The following MYO1D variants were observed in gnomAD, a reference collection of about 807,000 sequenced individuals.
MYO1D encodes myosin ID, also known as unconventional myosin-Id.
MYO1D carries 83 observed loss-of-function variants against 122.0 expected under a neutral mutation model. The observed-to-expected ratio is 0.68, with a 90% confidence interval of 0.57 to 0.82. The LOEUF (loss-of-function observed/expected upper bound fraction) is 0.82. Ranked by LOEUF, MYO1D falls within the 40% of genes least tolerant of loss-of-function variation. MYO1D has a pLI of 0.00. For missense variants in MYO1D, 1,157 were observed against 1,269.5 expected, an observed-to-expected ratio of 0.91 and a Z score of 1.35; for synonymous variants, 464 against 446.9, an observed-to-expected ratio of 1.04 and a Z score of -0.48.
chr17:32,851,392 C>T (rs2090987533), intron 1 of MYO1D, among the ~76,000 whole-genome samples: 1 of 152,190 alleles, frequency 6.6e-6, no homozygotes, highest in Non-Finnish European at 1.5e-5. Flanking sequence ...ATGATCAACT[C>T]CAATTCCCAC....
intron 21 of MYO1D, among the ~76,000 whole-genome samples, chr17:32,596,069 A>C (rs2087489276): frequency 6.6e-6 from 1 of 152,164 alleles, no homozygotes; most frequent in Non-Finnish European, 1.5e-5. Flanking sequence ...AGGAAAGTGA[A>C]TTGTGGCCAC....
At chr17:32,870,702 A>G (rs947573040) in intron 1 of MYO1D, among the ~76,000 whole-genome samples, 1 of 152,248 alleles carries the variant, frequency 6.6e-6, no homozygotes, top group Non-Finnish European at 1.5e-5. Flanking sequence ...TGTATTAAAC[A>G]TGGGGAAGGG....
chr17:32,613,224 C>A (rs1312683435), intron 20 of MYO1D, among the ~76,000 whole-genome samples: 1 of 151,892 alleles, frequency 6.6e-6, no homozygotes, highest in African/African-American at 2.4e-5. Context: ...ATGTTATAGG[C>A]CCAGGTAATT....
intron 17 of MYO1D, among the ~76,000 whole-genome samples, chr17:32,658,003 C>G (rs2088501187): frequency 6.6e-6 from 1 of 152,104 alleles, no homozygotes; most frequent in Non-Finnish European, 1.5e-5. Context: ...AAAAAATGCT[C>G]AAATCATATG....
chr17:32,862,522 A>G (rs2091086343), intron 1 of MYO1D, among the ~76,000 whole-genome samples: 1 of 152,238 alleles, frequency 6.6e-6, no homozygotes, highest in Non-Finnish European at 1.5e-5. Flanking sequence ...TACATTTTTT[A>G]TATGTCTAGA....
intron 15 of MYO1D, among the ~76,000 whole-genome samples, chr17:32,712,974 C>T (rs1006449589): frequency 4.6e-5 from 7 of 152,200 alleles, no homozygotes; most frequent in African/African-American, 1.2e-4. Flanking sequence ...GGGGATTACA[C>T]AGGGCATGGA....
chr17:32,702,394 T>C (rs951603702), intron 16 of MYO1D, among the ~76,000 whole-genome samples: 2 of 152,190 alleles, frequency 1.3e-5, no homozygotes, highest in African/African-American at 4.8e-5. Flanking sequence ...TACCCTATAA[T>C]TCCACTTTGA....
chr17:32,548,297 T>C (rs1370947794), intron 21 of MYO1D, among the ~76,000 whole-genome samples: 1 of 151,514 alleles, frequency 6.6e-6, no homozygotes, highest in East Asian at 2.0e-4. Flanking sequence ...GGCATGGTGG[T>C]GCACGTATAT....
chr17:32,642,474 A>C (rs1304364991), intron 19 of MYO1D, among the ~76,000 whole-genome samples: 1 of 152,180 alleles, frequency 6.6e-6, no homozygotes, highest in South Asian at 2.1e-4. Flanking sequence ...GAAGAAAGTC[A>C]TTGGTAGCTT....
chr17:32,728,161 T>C (rs2089597449), intron 14 of MYO1D, among the ~76,000 whole-genome samples: 1 of 151,586 alleles, frequency 6.6e-6, no homozygotes, highest in Non-Finnish European at 1.5e-5. Context: ...AGTTGAACAA[T>C]ATTATTAGCA....
chr17:32,665,022 CA>C (rs1363384823), intron 16 of MYO1D, among the ~76,000 whole-genome samples: 1 of 152,186 alleles, frequency 6.6e-6, no homozygotes, highest in Non-Finnish European at 1.5e-5. Flanking sequence ...GGACCCTACA[CA>C]GGCCAGGCAT....
At chr17:32,549,476 C>T (rs2086992328) in intron 21 of MYO1D, among the ~76,000 whole-genome samples, 1 of 152,158 alleles carries the variant, frequency 6.6e-6, no homozygotes. Context: ...AAAATGTTAG[C>T]GAGGTCATAG....
chr17:32,741,809 C>T (rs913894436), intron 13 of MYO1D, among the ~76,000 whole-genome samples: 5 of 151,938 alleles, frequency 3.3e-5, no homozygotes, highest in Middle Eastern at 3.4e-3. Flanking sequence ...GTCAGGAGAT[C>T]GAGACCATCC....
chr17:32,799,399 T>C (rs1567647808), intron 1 of MYO1D, among the ~76,000 whole-genome samples: 1 of 152,192 alleles, frequency 6.6e-6, no homozygotes, highest in Non-Finnish European at 1.5e-5. Context: ...TCATAAGCCA[T>C]TAAGAAAATC....
At chr17:32,763,595 T>C (rs906841671) in intron 8 of MYO1D, among the ~76,000 whole-genome samples, 2 of 152,192 alleles carry the variant, frequency 1.3e-5, no homozygotes, top group South Asian at 2.1e-4. Flanking sequence ...AATATTACCA[T>C]GCAGCCATAA....
chr17:32,751,013 T>C (rs951244671), intron 11 of MYO1D, among the ~76,000 whole-genome samples: 2 of 152,194 alleles, frequency 1.3e-5, no homozygotes, highest in African/African-American at 2.4e-5. Context: ...TGGAACATTC[T>C]TACATTTGGA....
At chr17:32,775,507 A>C (rs1025243320) in intron 4 of MYO1D, among the ~76,000 whole-genome samples, 3 of 152,224 alleles carry the variant, frequency 2.0e-5, no homozygotes, top group African/African-American at 7.2e-5. Flanking sequence ...GAGATATCAA[A>C]TTAATTAAAA....
chr17:32,585,742 TAAAA>T (rs5819989), intron 21 of MYO1D, among the ~76,000 whole-genome samples: 1 of 112,148 alleles, frequency 8.9e-6, no homozygotes, highest in Admixed American at 9.5e-5. Context: ...CGTCTCAAAA[TAAAA>T]AAAAAAAAAA....
chr17:32,562,360 C>CATAATTTCATATAATTATTTAGAT (rs59094872), intron 21 of MYO1D, among the ~76,000 whole-genome samples: 1 of 151,936 alleles, frequency 6.6e-6, no homozygotes, highest in Admixed American at 6.6e-5. Context: ...TATTTCATTT[C>CATAATTTCATATAATTATTTAGAT]ATTCTTTAAT....
Sources: gnomAD v4.1 joint callset for allele counts (sites outside exome capture counted in the v4.1 genomes callset) on GRCh38, gnomAD v4.1.1 for gene constraint, MANE v1.5 for transcripts, NCBI Gene and HGNC (gene_info 2026-07-23, HGNC 2026-07-21) for gene names.